Variants in CNTNAP2 observed in about 807,000 individuals in gnomAD.
CNTNAP2 encodes contactin associated protein 2, also known as contactin-associated protein-like 2.
In CNTNAP2, 98 loss-of-function variants were observed where a neutral mutation model predicts 155.2. That is an observed-to-expected ratio of 0.63 (90% CI 0.54 to 0.75). CNTNAP2 has a LOEUF of 0.75. CNTNAP2 is among the 30% of genes least tolerant of loss of function. The pLI is 0.00. For missense variants in CNTNAP2, 1,727 were observed against 1,688.1 expected (o/e 1.02, Z -0.40); for synonymous variants, 651 against 631.2 (o/e 1.03, Z -0.47).
At chr7:146,196,461 C>T (rs977493485) in intron 1 of CNTNAP2, among the ~76,000 whole-genome samples, 3 of 151,560 alleles carry the variant, frequency 2.0e-5, no homozygotes, top group Non-Finnish European at 4.4e-5. Flanking sequence ...AGTTACAGTT[C>T]AGAAGATCCC....
chr7:146,395,388 T>A (rs1795605084), intron 1 of CNTNAP2, among the ~76,000 whole-genome samples: 1 of 152,160 alleles, frequency 6.6e-6, no homozygotes, highest in Non-Finnish European at 1.5e-5. Context: ...TGATTTCAAA[T>A]AAGCGGTAGT....
intron 1 of CNTNAP2, among the ~76,000 whole-genome samples, chr7:146,271,083 A>T (rs1307222525): frequency 1.3e-5 from 2 of 152,028 alleles, no homozygotes; most frequent in African/African-American, 2.4e-5. Flanking sequence ...GTACTTGCCA[A>T]TTTTTTCTCA....
At chr7:147,170,308 C>G (rs995610638) in intron 8 of CNTNAP2, among the ~76,000 whole-genome samples, 3 of 152,016 alleles carry the variant, frequency 2.0e-5, no homozygotes, top group African/African-American at 7.2e-5. Context: ...GACTGTGTAT[C>G]CTCGCGTGTG....
At chr7:147,524,450 C>T (rs1297825509) in intron 11 of CNTNAP2, among the ~76,000 whole-genome samples, 1 of 152,192 alleles carries the variant, frequency 6.6e-6, no homozygotes, top group African/African-American at 2.4e-5. Context: ...AGGTCCCCAA[C>T]ATTCACAGAA....
At chr7:146,128,166 C>T (rs1467201185) in intron 1 of CNTNAP2, among the ~76,000 whole-genome samples, 2 of 152,068 alleles carry the variant, frequency 1.3e-5, no homozygotes, top group African/African-American at 4.8e-5. Flanking sequence ...ATGAGCAGAG[C>T]CTGTATTTTT....
intron 15 of CNTNAP2, among the ~76,000 whole-genome samples, chr7:148,056,115 G>C (rs950005765): frequency 6.6e-6 from 1 of 152,204 alleles, no homozygotes; most frequent in Non-Finnish European, 1.5e-5. Flanking sequence ...AGTGGGCTCT[G>C]TTCCCTCGCA....
chr7:146,637,677 A>T (rs1799622426), intron 1 of CNTNAP2, among the ~76,000 whole-genome samples: 1 of 152,200 alleles, frequency 6.6e-6, no homozygotes, highest in Non-Finnish European at 1.5e-5. Context: ...AGTTGAACAC[A>T]CACTGGTGTG....
At chr7:146,529,577 G>T (rs2129138913) in intron 1 of CNTNAP2, among the ~76,000 whole-genome samples, 1 of 152,276 alleles carries the variant, frequency 6.6e-6, no homozygotes, top group South Asian at 2.1e-4. Flanking sequence ...CATGCCATTT[G>T]TATTTATGGA....
Position 146,930,398 on chromosome 7 carries a change from T to A in CNTNAP2, c.402+90494T>A, listed in dbSNP as rs2129222660. 2.0e-5 allele frequency among the ~76,000 whole-genome samples: 3 copies of A among 152,218 alleles called. No homozygotes were observed. The East Asian group carries it at 5.8e-4, about 29-fold the overall frequency. On this transcript the variant is annotated intron_variant, in intron 3 of 23. Coordinates refer to ENST00000361727, the MANE Select transcript of CNTNAP2 (RefSeq NM_014141.6). The stretch of plus-strand genomic sequence containing the variant: ...CAGACAAGCAAATGCTGAGAGATTT[T>A]GTCACCACCAGGCCTGCCCTAAAAG...
intron 9 of CNTNAP2, among the ~76,000 whole-genome samples, chr7:147,394,775 G>A (rs1482358471): frequency 1.3e-5 from 2 of 150,286 alleles, no homozygotes; most frequent in Admixed American, 1.3e-4. Context: ...AGGTTGGTGT[G>A]GGCATTCTAT....
chr7:146,812,697 T>C (rs1473025368), intron 2 of CNTNAP2, among the ~76,000 whole-genome samples: 1 of 152,088 alleles, frequency 6.6e-6, no homozygotes, highest in Non-Finnish European at 1.5e-5. Flanking sequence ...TTTGCATAAG[T>C]AACATGGAGC....
At chr7:146,381,040 C>T (rs374946570) in intron 1 of CNTNAP2, among the ~76,000 whole-genome samples, 28 of 151,712 alleles carry the variant, frequency 1.8e-4, no homozygotes, top group African/African-American at 6.3e-4. Context: ...CCTCGTGATC[C>T]GCCCGCCTCG....
At chr7:147,699,505 C>T (rs1243829240) in intron 13 of CNTNAP2, among the ~76,000 whole-genome samples, 5 of 151,898 alleles carry the variant, frequency 3.3e-5, no homozygotes, top group African/African-American at 1.2e-4. Flanking sequence ...ATGTAGATGA[C>T]GGGTTGATGG....
intron 12 of CNTNAP2, among the ~76,000 whole-genome samples, chr7:147,606,377 C>T (rs1232800432): frequency 6.6e-6 from 1 of 152,110 alleles, no homozygotes; most frequent in African/African-American, 2.4e-5. Context: ...TGAACGTTTC[C>T]CCTTGGAGGA....
At chr7:146,891,263 A>T (rs1795769532) in intron 3 of CNTNAP2, among the ~76,000 whole-genome samples, 1 of 152,106 alleles carries the variant, frequency 6.6e-6, no homozygotes, top group African/African-American at 2.4e-5. Context: ...AGGAGACAGG[A>T]ATGGGTTCAA....
intron 1 of CNTNAP2, among the ~76,000 whole-genome samples, chr7:146,266,604 G>A (rs996485921): frequency 3.9e-5 from 6 of 152,072 alleles, no homozygotes; most frequent in African/African-American, 1.4e-4. Context: ...TAATGTTAAA[G>A]AGAAAAAAGA....
chr7:148,140,780 T>C (rs1451799605), intron 16 of CNTNAP2, among the ~76,000 whole-genome samples: 2 of 152,200 alleles, frequency 1.3e-5, no homozygotes, highest in East Asian at 3.9e-4. Flanking sequence ...AATGTTAGAC[T>C]ATCTGGAATA....
chr7:146,309,529 C>T (rs545037789), intron 1 of CNTNAP2, among the ~76,000 whole-genome samples: 6 of 152,132 alleles, frequency 3.9e-5, no homozygotes, highest in Non-Finnish European at 4.4e-5. Context: ...AGGTGGGGCG[C>T]GGTGGCTCAT....
chr7:147,099,036 AG>A (rs1800603032), intron 4 of CNTNAP2, among the ~76,000 whole-genome samples: 1 of 152,076 alleles, frequency 6.6e-6, no homozygotes, highest in Non-Finnish European at 1.5e-5. Context: ...CAGGAGGTAG[AG>A]GGGATGAGGG....
Sources: allele counts gnomAD v4.1 joint callset (sites outside exome capture counted in the v4.1 genomes callset), GRCh38; gene constraint gnomAD v4.1.1; transcripts MANE v1.5; gene names NCBI Gene and HGNC (gene_info 2026-07-23, HGNC 2026-07-21).